SYN3: variants seen among roughly 807,000 people sequenced by gnomAD.
SYN3 encodes synapsin III, also known as synapsin-3.
A neutral mutation model predicts 65.8 loss-of-function variants in SYN3; 35 were observed. The ratio of observed to expected loss-of-function variants is 0.53; its 90% CI spans 0.41 to 0.70. The LOEUF (loss-of-function observed/expected upper bound fraction) is 0.70. Among genes scored for constraint, SYN3 ranks in the 30% least tolerant of loss-of-function variants. The probability of loss-of-function intolerance (pLI) is 0.00; values close to 1 mark genes in which losing one functional copy is unlikely to be tolerated. For missense variants in SYN3, 680 were observed against 749.0 expected, an observed-to-expected ratio of 0.91 and a Z score of 1.08; for synonymous variants, 270 against 292.9, an observed-to-expected ratio of 0.92 and a Z score of 0.80.
intron 6 of SYN3, among the ~76,000 whole-genome samples, chr22:32,637,676 C>T (rs1163251585): frequency 2.3e-5 from 3 of 130,788 alleles, no homozygotes; most frequent in Admixed American, 9.8e-5. Flanking sequence ...CTCATTCTGT[C>T]GCCCAGACTG....
intron 6 of SYN3, among the ~76,000 whole-genome samples, chr22:32,745,597 T>C (rs1296372110): frequency 1.3e-5 from 2 of 152,190 alleles, no homozygotes; most frequent in African/African-American, 4.8e-5. Context: ...ACGCAGCCAC[T>C]GCACGGCCCT....
chr22:32,925,065 C>T (rs1168637227), intron 4 of SYN3, among the ~76,000 whole-genome samples: 3 of 152,026 alleles, frequency 2.0e-5, no homozygotes, highest in Admixed American at 6.5e-5. Flanking sequence ...GTACCCCAGC[C>T]TGGGTGACAG....
chr22:32,645,273 G>A (rs923013947), intron 6 of SYN3, among the ~76,000 whole-genome samples: 12 of 152,072 alleles, frequency 7.9e-5, no homozygotes, highest in Admixed American at 6.6e-4. Context: ...CCAACATGGA[G>A]AAACCCCGTC....
At chr22:32,935,301 C>G (rs912843098) in intron 3 of SYN3, among the ~76,000 whole-genome samples, 42 of 149,650 alleles carry the variant, frequency 2.8e-4, no homozygotes, top group Non-Finnish European at 3.9e-4. Context: ...CTCTCTCTCT[C>G]TCTCTCTCAC....
intron 7 of SYN3, among the ~76,000 whole-genome samples, chr22:32,591,908 G>A (rs1338717315): frequency 6.6e-6 from 1 of 152,166 alleles, no homozygotes; most frequent in Non-Finnish European, 1.5e-5. Context: ...CGTCCATGCT[G>A]TATATGCCAC....
intron 6 of SYN3, chr22:32,861,331 G>A (rs1383055640): frequency 2.6e-5 from 4 of 152,274 alleles, no homozygotes; most frequent in African/African-American, 9.7e-5. Flanking sequence ...TCCCATTGTG[G>A]TCATGCCATT....
chr22:32,668,046 C>A (rs2060314435), intron 6 of SYN3, among the ~76,000 whole-genome samples: 1 of 152,086 alleles, frequency 6.6e-6, no homozygotes, highest in Non-Finnish European at 1.5e-5. Flanking sequence ...CTGACTCAGC[C>A]TCCCAAAGTG....
chr22:32,703,226 A>C (rs766694011), intron 6 of SYN3, among the ~76,000 whole-genome samples: 3 of 152,196 alleles, frequency 2.0e-5, no homozygotes, highest in Non-Finnish European at 2.9e-5. Flanking sequence ...TTGGGTTCAA[A>C]ATTAATAAAT....
chr22:32,666,264 C>T (rs1334721500), intron 6 of SYN3, among the ~76,000 whole-genome samples: 1 of 152,190 alleles, frequency 6.6e-6, no homozygotes, highest in Non-Finnish European at 1.5e-5. Context: ...AACCACATGT[C>T]GGAGTGTGTC....
intron 2 of SYN3, among the ~76,000 whole-genome samples, chr22:33,001,456 C>G (rs1214894556): frequency 6.6e-6 from 1 of 152,196 alleles, no homozygotes; most frequent in African/African-American, 2.4e-5. Flanking sequence ...TAAGACCCAA[C>G]TTTATCACCC....
At chr22:32,866,945 C>G (rs567778869) in intron 5 of SYN3, among the ~76,000 whole-genome samples, 1 of 152,324 alleles carries the variant, frequency 6.6e-6, no homozygotes, top group East Asian at 1.9e-4. Context: ...GTGCCAGCCA[C>G]ATTCTAAGCG....
intron 4 of SYN3, among the ~76,000 whole-genome samples, chr22:32,874,332 T>C (rs770452483): frequency 4.6e-5 from 7 of 152,062 alleles, no homozygotes; most frequent in Non-Finnish European, 1.0e-4. Flanking sequence ...TTAACCGTAA[T>C]ATGAGCTATA....
At chr22:32,518,425 A>C (rs2057818239) in intron 12 of SYN3, 91 bp from the exon 13 acceptor site, 1 of 1,477,586 alleles carries the variant, frequency 6.8e-7, no homozygotes, top group Non-Finnish European at 9.3e-7. Flanking sequence ...AAGGATGTTC[A>C]TTACAGTGTT....
intron 1 of SYN3, among the ~76,000 whole-genome samples, chr22:33,057,036 C>T (rs936686120): frequency 6.6e-6 from 1 of 152,194 alleles, no homozygotes; most frequent in South Asian, 2.1e-4. Context: ...AAGCATTACA[C>T]GGGCAGCATC....
chr22:32,630,236 C>A (rs995154212), intron 6 of SYN3, among the ~76,000 whole-genome samples: 2 of 152,240 alleles, frequency 1.3e-5, no homozygotes, highest in South Asian at 2.1e-4. Flanking sequence ...CCCCCCTCGG[C>A]CTCCCAGAGT....
At chr22:32,931,091 G>C (rs1242477748) in intron 4 of SYN3, 2 of 251,776 alleles carry the variant, frequency 7.9e-6, no homozygotes, top group Non-Finnish European at 1.6e-5. Flanking sequence ...TGCTGCAGAT[G>C]AGAAGTAGAG....
chr22:33,025,194 C>T (rs5754384), intron 1 of SYN3, among the ~76,000 whole-genome samples: 99,216 of 151,588 alleles, frequency 0.65, 33,018 homozygotes, highest in African/African-American at 0.71. Context: ...TGGTGGCTCA[C>T]GCCTGTAATC....
chr22:32,590,251 T>C (rs1207688188), intron 7 of SYN3, among the ~76,000 whole-genome samples: 2 of 152,252 alleles, frequency 1.3e-5, no homozygotes, highest in Non-Finnish European at 2.9e-5. Context: ...GTTAATGCTA[T>C]AGTTAAGTTT....
intron 3 of SYN3, among the ~76,000 whole-genome samples, chr22:32,941,660 C>A (rs2050943138): frequency 6.6e-6 from 1 of 152,128 alleles, no homozygotes; most frequent in African/African-American, 2.4e-5. Context: ...CATCGCCTCA[C>A]CCGGGAAGCG....
Sources: gnomAD v4.1 joint callset for allele counts (sites outside exome capture counted in the v4.1 genomes callset) on GRCh38, gnomAD v4.1.1 for gene constraint, MANE v1.5 for transcripts, NCBI Gene and HGNC (gene_info 2026-07-23, HGNC 2026-07-21) for gene names.